Variants in DPYD observed in about 807,000 individuals in gnomAD.
The protein encoded by DPYD is dihydropyrimidine dehydrogenase, also known as dihydropyrimidine dehydrogenase [NADP(+)].
A neutral mutation model predicts 116.2 loss-of-function variants in DPYD; 109 were observed. The observed-to-expected ratio is 0.94, with a 90% confidence interval of 0.80 to 1.10. DPYD has a LOEUF of 1.10. Among genes scored for constraint, DPYD ranks in the 50% least tolerant of loss-of-function variants. DPYD has a pLI of 0.00. For missense variants in DPYD, 1,302 were observed against 1,254.5 expected, an observed-to-expected ratio of 1.04 and a Z score of -0.57; for synonymous variants, 440 against 432.0, an observed-to-expected ratio of 1.02 and a Z score of -0.23.
At chr1:97,719,692 A>C (rs1662814703) in intron 5 of DPYD, 4 of 984,764 alleles carry the variant, frequency 4.1e-6, no homozygotes, top group South Asian at 4.7e-5. Flanking sequence ...GACCTAGGGA[A>C]TACAGGACTT....
At chr1:97,643,772 T>C (rs1332353039) in intron 8 of DPYD, among the ~76,000 whole-genome samples, 1 of 152,212 alleles carries the variant, frequency 6.6e-6, no homozygotes, top group Non-Finnish European at 1.5e-5. Context: ...GATGAGTTCA[T>C]GTCCTTTGCA....
intron 13 of DPYD, among the ~76,000 whole-genome samples, chr1:97,482,327 C>T (rs11165881): frequency 0.54 from 82,502 of 151,968 alleles, 23,066 homozygotes; most frequent in Admixed American, 0.65. Flanking sequence ...GGATGAACTG[C>T]TAAAATCAAT....
At chr1:97,279,299 A>G (rs547040417) in intron 18 of DPYD, among the ~76,000 whole-genome samples, 1 of 152,284 alleles carries the variant, frequency 6.6e-6, no homozygotes, top group Non-Finnish European at 1.5e-5. Context: ...CTTAGTAGAA[A>G]AAAAAGAACA....
chr1:97,592,275 A>T (rs1201183779), intron 10 of DPYD, among the ~76,000 whole-genome samples: 1 of 152,220 alleles, frequency 6.6e-6, no homozygotes, highest in Non-Finnish European at 1.5e-5. Flanking sequence ...TAGCATTAAA[A>T]TTTGAGAAGT....
intron 8 of DPYD, among the ~76,000 whole-genome samples, chr1:97,596,687 A>G (rs1008506804): frequency 6.6e-6 from 1 of 152,210 alleles, no homozygotes; most frequent in Non-Finnish European, 1.5e-5. Flanking sequence ...GACTTTTGTC[A>G]TATGAGATAA....
chr1:97,859,177 T>C (rs551366639), intron 2 of DPYD, among the ~76,000 whole-genome samples: 4 of 152,266 alleles, frequency 2.6e-5, no homozygotes, highest in Non-Finnish European at 5.9e-5. Flanking sequence ...CTCTAAGCAA[T>C]ACTCTTTTTA....
chr1:97,761,976 A>C (rs1160624583), intron 3 of DPYD, among the ~76,000 whole-genome samples: 4 of 152,098 alleles, frequency 2.6e-5, no homozygotes, highest in Non-Finnish European at 4.4e-5. Context: ...GAGCACAAGG[A>C]AGGAACACAA....
At chr1:97,195,582 ATATATATATATATG>A (rs1658709573) in intron 19 of DPYD, among the ~76,000 whole-genome samples, 1 of 47,936 alleles carries the variant, frequency 2.1e-5, no homozygotes, top group South Asian at 1.2e-3. Flanking sequence ...ATATATATAT[ATATATATATATATG>A]TGTGTGTGTG....
chr1:97,636,836 G>T (rs1187866640), intron 8 of DPYD, among the ~76,000 whole-genome samples: 1 of 152,062 alleles, frequency 6.6e-6, no homozygotes, highest in African/African-American at 2.4e-5. Context: ...CAGTGAATGA[G>T]GGCATTGTCT....
At chr1:97,740,088 T>C (rs1429338888) in intron 4 of DPYD, among the ~76,000 whole-genome samples, 1 of 152,162 alleles carries the variant, frequency 6.6e-6, no homozygotes, top group Non-Finnish European at 1.5e-5. Flanking sequence ...ATGACAGTTC[T>C]TGTCTATTAG....
At chr1:97,696,368 T>C (rs971251674) in intron 6 of DPYD, among the ~76,000 whole-genome samples, 3 of 152,126 alleles carry the variant, frequency 2.0e-5, no homozygotes, top group African/African-American at 7.2e-5. Flanking sequence ...TTTGAATGTA[T>C]AAATCTGTTG....
At chr1:97,248,641 G>A (rs2100800834) in intron 18 of DPYD, among the ~76,000 whole-genome samples, 1 of 152,232 alleles carries the variant, frequency 6.6e-6, no homozygotes, top group South Asian at 2.1e-4. Context: ...AGTGTACACA[G>A]GAAAATCTGA....
chr1:97,901,595 G>A (rs1311330597), intron 1 of DPYD, among the ~76,000 whole-genome samples: 1 of 151,786 alleles, frequency 6.6e-6, no homozygotes, highest in Non-Finnish European at 1.5e-5. Context: ...GTGATTATAA[G>A]GGGAATAGTA....
At chr1:97,239,665 T>C (rs1662194227) in intron 18 of DPYD, among the ~76,000 whole-genome samples, 1 of 152,118 alleles carries the variant, frequency 6.6e-6, no homozygotes, top group Admixed American at 6.6e-5. Context: ...ATACTATTAA[T>C]ATGAATTCTA....
intron 7 of DPYD, among the ~76,000 whole-genome samples, chr1:97,679,494 A>G (rs2100918169): frequency 6.6e-6 from 1 of 152,312 alleles, no homozygotes; most frequent in Admixed American, 6.5e-5. Flanking sequence ...GACGATAAAT[A>G]AGACACATTT....
At position 97,525,245 on chromosome 1, in the gene DPYD, G is replaced by C. The variant is rs59484251; in HGVS notation, c.1525-9304C>G. On this transcript the variant is annotated intron_variant, in intron 12 of 22. Transcript: ENST00000370192. ...ATGATTCCTACTCAACATTTATGGT[G>C]AGTGATTGTGGTGATGGTTGCATGA... 2.9e-4 allele frequency among the ~76,000 whole-genome samples: 44 copies of C among 152,244 alleles called. No homozygotes were observed. The East Asian group carries it at 8.5e-3, about 29-fold the overall frequency.
At chr1:97,748,184 G>T (rs985891627) in intron 3 of DPYD, among the ~76,000 whole-genome samples, 2 of 152,080 alleles carry the variant, frequency 1.3e-5, no homozygotes, top group Non-Finnish European at 2.9e-5. Context: ...TTCCTCTCAG[G>T]AGAACCAGAG....
At chr1:97,450,880 G>C (rs1676377123) in intron 13 of DPYD, among the ~76,000 whole-genome samples, 1 of 151,974 alleles carries the variant, frequency 6.6e-6, no homozygotes, top group Non-Finnish European at 1.5e-5. Context: ...AAATTAACTT[G>C]CTTGTTAAGT....
intron 20 of DPYD, among the ~76,000 whole-genome samples, chr1:97,104,462 A>G (rs1165110069): frequency 6.6e-6 from 1 of 152,122 alleles, no homozygotes; most frequent in East Asian, 1.9e-4. Flanking sequence ...GACCTTAAAG[A>G]GACTATATTA....
Sources: gnomAD v4.1 joint callset for allele counts (sites outside exome capture counted in the v4.1 genomes callset) on GRCh38, gnomAD v4.1.1 for gene constraint, MANE v1.5 for transcripts, NCBI Gene and HGNC (gene_info 2026-07-23, HGNC 2026-07-21) for gene names.